Variants in SULF1 observed in about 807,000 individuals in gnomAD.
The protein encoded by SULF1 is extracellular sulfatase Sulf-1.
SULF1 carries 46 observed loss-of-function variants against 110.5 expected under a neutral mutation model. That is an observed-to-expected ratio of 0.42 (90% confidence interval 0.33 to 0.53). The LOEUF (loss-of-function observed/expected upper bound fraction) is 0.53, where lower values mean the gene tolerates loss of function less well. Ranked by LOEUF, SULF1 falls within the 20% of genes least tolerant of loss-of-function variation. The pLI is 0.12. For synonymous variants in SULF1, 371 were observed against 387.1 expected (o/e 0.96, Z 0.49); for missense variants, 941 against 1,094.2 (o/e 0.86, Z 1.98).
chr8:69,518,594 G>C (rs1812088781), intron 3 of SULF1, among the ~76,000 whole-genome samples: 1 of 152,092 alleles, frequency 6.6e-6, no homozygotes, highest in African/African-American at 2.4e-5. Context: ...TTTAAGTTGT[G>C]CTAGGTCAGA....
intron 13 of SULF1, among the ~76,000 whole-genome samples, chr8:69,616,216 A>G (rs138824194): frequency 0.078 from 11,305 of 144,114 alleles, 590 homozygotes; most frequent in South Asian, 0.2. Context: ...GTGTGTATAT[A>G]TATATATATA....
intron 5 of SULF1, among the ~76,000 whole-genome samples, chr8:69,566,308 G>A (rs1815879957): frequency 6.6e-6 from 1 of 152,106 alleles, no homozygotes; most frequent in African/African-American, 2.4e-5. Context: ...ATACAGCACT[G>A]TCTTTAAAAT....
intron 18 of SULF1, among the ~76,000 whole-genome samples, chr8:69,628,556 C>T (rs1479293141): frequency 3.3e-5 from 5 of 152,190 alleles, no homozygotes. Context: ...TTGAGGGTTA[C>T]AGACTCTCTC....
At chr8:69,566,478 A>G (rs916415840) in intron 5 of SULF1, among the ~76,000 whole-genome samples, 1 of 152,224 alleles carries the variant, frequency 6.6e-6, no homozygotes, top group African/African-American at 2.4e-5. Context: ...GTTATAGACC[A>G]GGCTCAGCCA....
intron 1 of SULF1, among the ~76,000 whole-genome samples, chr8:69,479,464 A>G (rs1809429892): frequency 6.6e-6 from 1 of 152,174 alleles, no homozygotes; most frequent in African/African-American, 2.4e-5. Flanking sequence ...TGGCATTCTC[A>G]TTTGTAGGAC....
At chr8:69,636,396 G>A (rs1007115735) in intron 19 of SULF1, among the ~76,000 whole-genome samples, 2 of 152,096 alleles carry the variant, frequency 1.3e-5, no homozygotes, top group African/African-American at 4.8e-5. Context: ...AATTAACTGG[G>A]GGTGGTGGCG....
At chr8:69,658,297 C>T (rs778797408) in intron 22 of SULF1, among the ~76,000 whole-genome samples, 4 of 152,268 alleles carry the variant, frequency 2.6e-5, no homozygotes, top group Middle Eastern at 3.4e-3. Flanking sequence ...GATGTTTTCA[C>T]GAATGTGATC....
chr8:69,658,776 G>A lies in SULF1; in HGVS notation c.*241G>A, dbSNP rs112715006. The A allele has an allele frequency of 1.5e-6, 1 of 647,488 alleles. No homozygotes were observed. Among genetic ancestry groups the A allele is most frequent in the Non-Finnish European group, 2.9e-6 (1 of 349,686 alleles). 40.1% of individuals were successfully genotyped at this position (647,488 alleles called of 1,614,324 possible). Reference sequence around the variant, plus strand: ...TGGTTGTCTCTGCTGAGCACGCTGTGTCAATGGAGATGGCCTCTGCTGACT... The same window carrying A: ...TGGTTGTCTCTGCTGAGCACGCTGTATCAATGGAGATGGCCTCTGCTGACT... On this transcript the variant is annotated 3_prime_UTR_variant, in exon 23 of 23. Transcript: ENST00000402687.
intron 1 of SULF1, among the ~76,000 whole-genome samples, chr8:69,486,265 A>T (rs1253970863): frequency 6.6e-6 from 1 of 152,072 alleles, no homozygotes; most frequent in East Asian, 1.9e-4. Flanking sequence ...TTCCTTTCAG[A>T]TTTTGTAATT....
Position 69,638,545 on chromosome 8 carries a change from C to T in SULF1, c.2328C>T (p.Tyr776=). The T allele has an allele frequency of 6.2e-7, 1 of 1,613,734 alleles. No individual in the cohort carries two copies. Among genetic ancestry groups the T allele is most frequent in the East Asian group, 2.2e-5 (1 of 44,874 alleles). The stretch of plus-strand genomic sequence containing the variant: ...GCACGAGTTCTAACAATAACACCTA[C>T]TGGTGTTTGCGTACAGTTAATGAGA... ...CACTSSNNNT[Y]WCLRTVNETH... Residue 776 remains tyrosine (Y), a synonymous_variant, in exon 20 of 23, where the codon TAC becomes TAT. Transcript: ENST00000402687.
intron 22 of SULF1, among the ~76,000 whole-genome samples, chr8:69,647,218 C>T (rs531615282): frequency 6.6e-6 from 1 of 151,578 alleles, no homozygotes; most frequent in Admixed American, 6.6e-5. Flanking sequence ...GCTGAGATTA[C>T]AGGTATGAGC....
At chr8:69,549,014 C>T (rs1814500057) in intron 3 of SULF1, among the ~76,000 whole-genome samples, 1 of 152,208 alleles carries the variant, frequency 6.6e-6, no homozygotes, top group Non-Finnish European at 1.5e-5. Context: ...ACCCACCCCA[C>T]CCTGGGCTCG....
At chr8:69,493,446 ACTAC>A (rs1810076498) in intron 1 of SULF1, among the ~76,000 whole-genome samples, 1 of 127,256 alleles carries the variant, frequency 7.9e-6, no homozygotes, top group African/African-American at 3.2e-5. Flanking sequence ...CACACACAAC[ACTAC>A]ACACACACAC....
intron 3 of SULF1, among the ~76,000 whole-genome samples, chr8:69,511,209 A>G (rs764070101): frequency 1.5e-4 from 23 of 152,238 alleles, no homozygotes; most frequent in Non-Finnish European, 7.3e-5. Context: ...TTGGGAATAT[A>G]TTATCAGCAT....
chr8:69,603,493 C>T (rs1233528104), intron 11 of SULF1, 107 bp from the exon 12 acceptor site: 2 of 1,318,382 alleles, frequency 1.5e-6, no homozygotes, highest in Non-Finnish European at 2.2e-6. Context: ...GAGATGCACT[C>T]ATGGTCTGTG....
intron 3 of SULF1, among the ~76,000 whole-genome samples, chr8:69,513,697 G>A (rs1811729968): frequency 2.0e-5 from 3 of 152,212 alleles, no homozygotes; most frequent in Admixed American, 2.0e-4. Flanking sequence ...GGTGAAAAGG[G>A]CACAGCCACC....
chr8:69,471,601 G>A lies in SULF1; in HGVS notation c.-391+4651G>A, dbSNP rs554535445. Among the ~76,000 whole-genome samples, 33 of 152,306 alleles carry A rather than the reference G, an allele frequency of 2.2e-4. 1 individual carries two copies. The highest frequency in any genetic ancestry group is 9.8e-4 in the Admixed American group (15 of 15,292). On this transcript the variant is annotated intron_variant, in intron 1 of 22. Transcript: ENST00000260128. Reference sequence around the variant, plus strand: ...ATAAAATCCCAAATATGGCTTTGGAGCAGGAGAGTACAGGCTCTGGGTTCA... The same window carrying A: ...ATAAAATCCCAAATATGGCTTTGGAACAGGAGAGTACAGGCTCTGGGTTCA...
intron 14 of SULF1, 57 bp from the exon 15 acceptor site, chr8:69,623,885 C>T: frequency 2.6e-6 from 4 of 1,559,776 alleles, no homozygotes; most frequent in Non-Finnish European, 3.5e-6. Context: ...TGATCACTTT[C>T]TTCCCTTGTA....
chr8:69,607,946 T>G (rs1563580849), intron 13 of SULF1, among the ~76,000 whole-genome samples: 2 of 152,096 alleles, frequency 1.3e-5, no homozygotes. Context: ...CACAGTCAGG[T>G]TTTGACACTC....
Sources: allele counts gnomAD v4.1 joint callset (sites outside exome capture counted in the v4.1 genomes callset), GRCh38; gene constraint gnomAD v4.1.1; transcripts MANE v1.5; gene names NCBI Gene and HGNC (gene_info 2026-07-23, HGNC 2026-07-21).